DLG2: variants seen among roughly 807,000 people sequenced by gnomAD.
DLG2 encodes the protein disks large homolog 2.
A neutral mutation model predicts 132.5 loss-of-function variants in DLG2; 45 were observed. That is an observed-to-expected ratio of 0.34 (90% CI 0.27 to 0.44). The LOEUF (loss-of-function observed/expected upper bound fraction) is 0.44, where lower values mean the gene tolerates loss of function less well. Among genes scored for constraint, DLG2 ranks in the 20% least tolerant of loss-of-function variants. The pLI is 1.00. For synonymous variants in DLG2, 424 were observed against 419.6 expected, an observed-to-expected ratio of 1.01 and a Z score of -0.13; for missense variants, 1,045 against 1,196.9, an observed-to-expected ratio of 0.87 and a Z score of 1.87.
At chr11:84,963,605 G>A (rs1243249008) in intron 6 of DLG2, among the ~76,000 whole-genome samples, 1 of 152,126 alleles carries the variant, frequency 6.6e-6, no homozygotes, top group Non-Finnish European at 1.5e-5. Context: ...CAGGAGGATG[G>A]CTATAGTTAA....
chr11:83,671,677 C>T (rs1413719580), intron 18 of DLG2, among the ~76,000 whole-genome samples: 1 of 152,124 alleles, frequency 6.6e-6, no homozygotes, highest in Admixed American at 6.5e-5. Flanking sequence ...TTTGTTTCAT[C>T]AATATCCCTA....
chr11:85,491,385 T>C (rs1470418670), intron 3 of DLG2, among the ~76,000 whole-genome samples: 1 of 152,146 alleles, frequency 6.6e-6, no homozygotes, highest in African/African-American at 2.4e-5. Context: ...CTTTCACTCC[T>C]GTTCTTCAAC....
intron 6 of DLG2, among the ~76,000 whole-genome samples, chr11:84,757,010 TCAACA>T (rs950179227): frequency 2.0e-5 from 3 of 152,210 alleles, no homozygotes; most frequent in Non-Finnish European, 4.4e-5. Context: ...TAGTTTTTTA[TCAACA>T]TCCTCAATCC....
chr11:85,413,995 G>T (rs1007634392), intron 3 of DLG2, among the ~76,000 whole-genome samples: 1 of 152,038 alleles, frequency 6.6e-6, no homozygotes, highest in East Asian at 1.9e-4. Context: ...TGGCAGTACG[G>T]TCATTTTCAC....
chr11:85,177,286 T>TAC (rs149186312), intron 4 of DLG2, among the ~76,000 whole-genome samples: 1,552 of 136,444 alleles, frequency 0.011, 18 homozygotes, highest in Middle Eastern at 0.03. Flanking sequence ...TATATACATA[T>TAC]ACACACACAC....
chr11:84,578,116 G>A (rs780763325), intron 6 of DLG2, among the ~76,000 whole-genome samples: 4 of 152,204 alleles, frequency 2.6e-5, no homozygotes, highest in Non-Finnish European at 5.9e-5. Flanking sequence ...CTAGATTTCA[G>A]AAGATGTATG....
intron 18 of DLG2, among the ~76,000 whole-genome samples, chr11:83,685,892 C>T (rs1000157721): frequency 2.6e-5 from 4 of 152,112 alleles, no homozygotes; most frequent in African/African-American, 9.7e-5. Flanking sequence ...AATCATTGAC[C>T]TAGTTGCTCT....
At chr11:84,562,716 T>C (rs2099431098) in intron 6 of DLG2, among the ~76,000 whole-genome samples, 2 of 151,938 alleles carry the variant, frequency 1.3e-5, no homozygotes, top group African/African-American at 4.8e-5. Context: ...TAAATAAATA[T>C]CCAACTCTTT....
intron 3 of DLG2, among the ~76,000 whole-genome samples, chr11:85,588,038 G>C (rs1455136865): frequency 6.6e-6 from 1 of 152,082 alleles, no homozygotes; most frequent in Non-Finnish European, 1.5e-5. Flanking sequence ...TTCACTTCTG[G>C]CTTATAGGGT....
chr11:84,407,368 C>A (rs2098859533), intron 7 of DLG2, among the ~76,000 whole-genome samples: 1 of 152,082 alleles, frequency 6.6e-6, no homozygotes, highest in South Asian at 2.1e-4. Context: ...TCTTTTGTTG[C>A]CTTTCACGGC....
At chr11:83,924,545 AG>A (rs2078582546) in intron 15 of DLG2, among the ~76,000 whole-genome samples, 1 of 152,158 alleles carries the variant, frequency 6.6e-6, no homozygotes, top group African/African-American at 2.4e-5. Flanking sequence ...AAATACAGGC[AG>A]GCTTGCACAG....
intron 7 of DLG2, among the ~76,000 whole-genome samples, chr11:84,466,939 A>G: frequency 1.3e-5 from 2 of 151,528 alleles, no homozygotes. Flanking sequence ...TTTTAAGGGA[A>G]CATTATGCAA....
intron 7 of DLG2, among the ~76,000 whole-genome samples, chr11:84,453,335 T>C (rs567473646): frequency 6.6e-6 from 1 of 151,820 alleles, no homozygotes; most frequent in Non-Finnish European, 1.5e-5. Flanking sequence ...GTAAATCCTA[T>C]GAAATCAATA....
chr11:85,271,773 T>C (rs1321465139), intron 4 of DLG2, among the ~76,000 whole-genome samples: 2 of 152,236 alleles, frequency 1.3e-5, no homozygotes, highest in African/African-American at 2.4e-5. Flanking sequence ...ATTTCTCCCA[T>C]TTGGAACAAG....
chr11:84,186,444 C>G (rs1420146331), intron 8 of DLG2, among the ~76,000 whole-genome samples: 3 of 151,692 alleles, frequency 2.0e-5, no homozygotes, highest in Non-Finnish European at 4.4e-5. Flanking sequence ...AAGAGTCTTC[C>G]CAAAGACAAA....
chr11:85,337,587 C>T (rs1451175637), intron 3 of DLG2, among the ~76,000 whole-genome samples: 2 of 152,178 alleles, frequency 1.3e-5, no homozygotes, highest in Non-Finnish European at 2.9e-5. Context: ...AATTCCATCT[C>T]TAAAACTTTA....
At chr11:84,611,718 C>A (rs757201885) in intron 6 of DLG2, among the ~76,000 whole-genome samples, 1 of 152,094 alleles carries the variant, frequency 6.6e-6, no homozygotes, top group Non-Finnish European at 1.5e-5. Context: ...TTTTTCTGTG[C>A]CATTCTTGCC....
At chr11:83,917,652 G>T (rs965707867) in intron 15 of DLG2, among the ~76,000 whole-genome samples, 1 of 152,034 alleles carries the variant, frequency 6.6e-6, no homozygotes, top group Non-Finnish European at 1.5e-5. Context: ...CAGTTCTTCC[G>T]CACATATCCT....
chr11:83,760,744 C>T (rs146571400), intron 18 of DLG2, among the ~76,000 whole-genome samples: 6 of 152,146 alleles, frequency 3.9e-5, no homozygotes, highest in Non-Finnish European at 5.9e-5. Flanking sequence ...AGATCAGTCA[C>T]AAATCCAGTC....
Sources: gnomAD v4.1 joint callset for allele counts (sites outside exome capture counted in the v4.1 genomes callset) on GRCh38, gnomAD v4.1.1 for gene constraint, MANE v1.5 for transcripts, NCBI Gene and HGNC (gene_info 2026-07-23, HGNC 2026-07-21) for gene names.